Variants in ADCY7 observed in about 807,000 individuals in gnomAD.
ADCY7 encodes adenylate cyclase type 7.
A neutral mutation model predicts 120.6 loss-of-function variants in ADCY7; 72 were observed. The observed-to-expected ratio is 0.60, with a 90% CI of 0.49 to 0.73. The LOEUF (loss-of-function observed/expected upper bound fraction) is 0.73, where lower values mean the gene tolerates loss of function less well. ADCY7 is among the 30% of genes least tolerant of loss of function. The pLI is 0.00. For missense variants in ADCY7, 1,227 were observed against 1,486.0 expected (o/e 0.83, Z 2.87); for synonymous variants, 661 against 628.0 (o/e 1.05, Z -0.78).
intron 1 of ADCY7, among the ~76,000 whole-genome samples, chr16:50,285,461 G>T (rs2034521944): frequency 6.6e-6 from 1 of 152,276 alleles, no homozygotes; most frequent in Non-Finnish European, 1.5e-5. Context: ...GCAGGTGCTG[G>T]TTGGGGACTT....
At chr16:50,266,262 C>G (rs1432214298), upstream of ADCY7, among the ~76,000 whole-genome samples, 1 of 152,228 alleles carries the variant, frequency 6.6e-6, no homozygotes, top group Non-Finnish European at 1.5e-5. Flanking sequence ...ATTTGCTCCC[C>G]ACTTTGAACA....
At chr16:50,274,865 C>T (rs1270415395) in intron 1 of ADCY7, among the ~76,000 whole-genome samples, 1 of 151,988 alleles carries the variant, frequency 6.6e-6, no homozygotes, top group Non-Finnish European at 1.5e-5. Context: ...GGAGTCAGGC[C>T]CAGAGAGGGT....
Position 50,290,645 on chromosome 16 carries a change from C to T in ADCY7, c.360C>T (p.Ala120=), listed in dbSNP as rs768726353. The T allele has an allele frequency of 1.9e-6, 3 of 1,613,550 alleles. No individual in the cohort carries two copies. In the East Asian group the frequency reaches 6.7e-5, roughly 36 times the overall value. ...TGTTCGACGCATGGACAAAGGCGGC[C>T]TGTGCGTGGGAGCAGGTAACAGGAA... ...VLVFDAWTKA[A]CAWEQVPFFL... is the part of the protein sequence containing the mutation. Residue 120 remains alanine, a synonymous_variant, in exon 3 of 26, where the codon GCC becomes GCT. Transcript: ENST00000673801.
chr16:50,312,993 AG>A lies in ADCY7; in HGVS notation c.2709del (p.Glu903AspfsTer18), dbSNP rs754404317. 6.2e-7 allele frequency: 1 copy of A among 1,614,254 alleles called. No homozygotes were observed. Among genetic ancestry groups the A allele is most frequent in the Non-Finnish European group, 8.5e-7 (1 of 1,180,048 alleles). ...TECDVNKEGL[E>X]CLRLLNEIIA... ...TGCGATGTCAACAAAGAAGGGCTGG[AG>A]TGCCTACGCCTGCTCAATGAGATCA... On this transcript the variant is annotated frameshift_variant, in exon 22 of 26. Coordinates refer to ENST00000673801, the MANE Select transcript of ADCY7 (RefSeq NM_001114.5). LOFTEE classifies it high-confidence loss of function.
At chr16:50,249,653 C>G (rs55657927) in intron 1 of ADCY7, among the ~76,000 whole-genome samples, 17,000 of 152,294 alleles carry the variant, frequency 0.11, 1,168 homozygotes, top group Admixed American at 0.18. Context: ...CTCCTGGCCC[C>G]AGCCCTCTAA....
chr16:50,311,072 G>A (rs373518302), intron 19 of ADCY7, among the ~76,000 whole-genome samples, 192 bp downstream of exon 19: 2 of 152,186 alleles, frequency 1.3e-5, no homozygotes, highest in East Asian at 3.9e-4. Context: ...GTCTGACAGA[G>A]GCCACCGGGT....
At chr16:50,292,913 A>G in intron 5 of ADCY7, 88 bp downstream of exon 5, 1 of 1,512,382 alleles carries the variant, frequency 6.6e-7, no homozygotes, top group Non-Finnish European at 8.9e-7. Flanking sequence ...TGCCATGTGC[A>G]TGAGGTGCAT....
intron 1 of ADCY7, among the ~76,000 whole-genome samples, chr16:50,255,402 G>GAAAAAAAAAAAGAAAAAA (rs2032886912): frequency 9.2e-6 from 1 of 108,142 alleles, no homozygotes; most frequent in African/African-American, 3.7e-5. Flanking sequence ...TCTGTTTCTG[G>GAAAAAAAAAAAGAAAAAA]AAAAAAAAAA....
In ADCY7 at chr16:50,252,223, C is replaced by T. The variant is rs78993095; in HGVS notation, c.-64+6020C>T. Among the ~76,000 whole-genome samples, 306 of 152,348 alleles carry T rather than the reference C, an allele frequency of 2.0e-3. 3 individuals are homozygous for T. The highest frequency in any genetic ancestry group is 7.2e-3 in the African/African-American group (298 of 41,568). ...CCTATGTGAGATGGGGCTAGACCACCTTCCTGGAGGGTGGGTGGAAGCAGG... is the reference window on the plus strand; with the variant it reads ...CCTATGTGAGATGGGGCTAGACCACTTTCCTGGAGGGTGGGTGGAAGCAGG... On this transcript the variant is annotated intron_variant, in intron 1 of 4. Coordinates refer to the ADCY7 transcript ENST00000564044.
In ADCY7 at chr16:50,307,155, G is replaced by T. The variant is rs148623758; in HGVS notation, c.1850+8G>T. On this transcript the variant is annotated splice_region_variant and intron_variant, in intron 15 of 25. Coordinates refer to ENST00000673801, the MANE Select transcript of ADCY7 (RefSeq NM_001114.5). ...TGTCCTGCTCATGCCCAGGTCAGTT[G>T]CAGGGAGGGGTGTGGGGGTCCGGCC... is the stretch of plus-strand genomic sequence containing the variant. 1.1e-3 allele frequency: 1,752 copies of T among 1,610,344 alleles called. 23 individuals are homozygous for T. In the African/African-American group the frequency reaches 0.02, roughly 18 times the overall value.
intron 5 of ADCY7, 38 bp from the exon 6 acceptor site, chr16:50,293,316 T>C (rs2150976938): frequency 6.2e-7 from 1 of 1,600,802 alleles, no homozygotes; most frequent in Non-Finnish European, 8.5e-7. Context: ...GCCGGTCGCT[T>C]TGCTGGTCCC....
chr16:50,294,799 T>C (rs2035238177), intron 7 of ADCY7, 48 bp downstream of exon 7: 4 of 1,356,290 alleles, frequency 2.9e-6, no homozygotes, highest in Non-Finnish European at 4.2e-6. Flanking sequence ...CTCCCCTGCC[T>C]ATTACACCCC....
intron 14 of ADCY7, among the ~76,000 whole-genome samples, chr16:50,306,164 C>T (rs988554307): frequency 2.0e-4 from 30 of 152,342 alleles, no homozygotes; most frequent in African/African-American, 6.5e-4. Context: ...CTGATGGCAC[C>T]GGCCTTGCAA....
At chr16:50,308,896 C>G in intron 17 of ADCY7, 104 bp downstream of exon 17, 1 of 1,403,936 alleles carries the variant, frequency 7.1e-7, no homozygotes, top group Non-Finnish European at 9.4e-7. Flanking sequence ...TGTCCTCTCC[C>G]CCGAGCTCAG....
At position 50,301,172 on chromosome 16, in the gene ADCY7, C is replaced by T. The variant is rs143497639; in HGVS notation, c.1326C>T (p.Leu442=). 1.2e-4 allele frequency: 188 copies of T among 1,611,628 alleles called. No homozygotes were observed. The Middle Eastern group carries it at 1.3e-3, about 11-fold the overall frequency. ...DGHGQQRDPY[L]KEMNIRTYLV... is the part of the protein sequence containing the mutation. ...ACGGGCAGCAGCGGGACCCCTACCT[C>T]AAGGAGATGAACATCCGCACCTACC... Residue 442 remains leucine (L), a synonymous_variant, in exon 10 of 26, where the codon CTC becomes CTT. Transcript: ENST00000673801.
chr16:50,288,153 T>G lies in ADCY7; in HGVS notation c.-27T>G. The G allele has an allele frequency of 1.3e-6, 2 of 1,529,430 alleles. No homozygotes were observed. The highest frequency in any genetic ancestry group is 1.8e-6 in the Non-Finnish European group (2 of 1,134,592). The allele number at this position is 1,529,430 out of a possible 1,614,324, so 94.7% of individuals were successfully genotyped here. ...CCCTGGGGCCTCCTTAACGGCCCCTTAACGACACGCGTGCCAAGGGTGGAG... is the reference window on the plus strand; with the variant it reads ...CCCTGGGGCCTCCTTAACGGCCCCTGAACGACACGCGTGCCAAGGGTGGAG... On this transcript the variant is annotated 5_prime_UTR_variant, in exon 2 of 26. It introduces an in-frame stop codon into an upstream open reading frame of the 5' UTR. Transcript: ENST00000673801.
chr16:50,278,999 G>A (rs1331329253), intron 1 of ADCY7, among the ~76,000 whole-genome samples: 1 of 151,966 alleles, frequency 6.6e-6, no homozygotes, highest in African/African-American at 2.4e-5. Context: ...AGCCTCGCGA[G>A]TAGCTGGGAC....
intron 1 of ADCY7, among the ~76,000 whole-genome samples, chr16:50,282,004 G>A (rs1416817860): frequency 2.6e-5 from 4 of 152,322 alleles, no homozygotes; most frequent in East Asian, 1.9e-4. Flanking sequence ...GCTGCGTGGC[G>A]TCCCAGGCAG....
At chr16:50,289,247 G>T (rs1436345457) in intron 2 of ADCY7, 7 of 378,590 alleles carry the variant, frequency 1.8e-5, no homozygotes, top group Non-Finnish European at 3.7e-5. Context: ...TGTTGCCCAG[G>T]CTGGTCTTGA....
Sources: allele counts gnomAD v4.1 joint callset (sites outside exome capture counted in the v4.1 genomes callset), GRCh38; gene constraint gnomAD v4.1.1; transcripts MANE v1.5; gene names NCBI Gene and HGNC (gene_info 2026-07-23, HGNC 2026-07-21).